SHISA9: variants seen among roughly 807,000 people sequenced by gnomAD.
SHISA9 encodes shisa family member 9.
Under a neutral mutation model 38.0 loss-of-function variants are expected in SHISA9, and 13 were observed. The ratio of observed to expected loss-of-function variants is 0.34; its 90% CI spans 0.22 to 0.54. The LOEUF (loss-of-function observed/expected upper bound fraction) is 0.54, where lower values mean the gene tolerates loss of function less well. SHISA9 is among the 20% of genes least tolerant of loss of function. The pLI, the probability that SHISA9 is intolerant of heterozygous loss-of-function variation, is 0.91. For synonymous variants in SHISA9, 275 were observed against 242.0 expected (o/e 1.14, Z -1.27); for missense variants, 538 against 575.8 (o/e 0.93, Z 0.67).
intron 2 of SHISA9, among the ~76,000 whole-genome samples, chr16:12,996,253 C>T (rs745332195): frequency 3.3e-5 from 5 of 151,882 alleles, no homozygotes; most frequent in Non-Finnish European, 7.4e-5. Flanking sequence ...ATTGAAAAAC[C>T]GAGAGGCTTT....
At chr16:13,053,813 A>G (rs1212367138) in intron 2 of SHISA9, among the ~76,000 whole-genome samples, 11 of 152,202 alleles carry the variant, frequency 7.2e-5, no homozygotes, top group Non-Finnish European at 1.5e-4. Flanking sequence ...CAGTGAAAAT[A>G]AAATAGTTTT....
intron 2 of SHISA9, among the ~76,000 whole-genome samples, chr16:13,147,305 G>C (rs183913333): frequency 2.3e-4 from 35 of 152,028 alleles, no homozygotes; most frequent in Non-Finnish European, 4.7e-4. Context: ...TGACTGGAGC[G>C]GGAAAGAGTT....
At chr16:13,420,011 C>T in the SHISA9 span, among the ~76,000 whole-genome samples, 7 of 152,000 alleles carry the variant, frequency 4.6e-5, no homozygotes, top group Non-Finnish European at 1.5e-5. Flanking sequence ...TTTGGGAGGC[C>T]AAGGCAGGCA....
chr16:12,904,478 C>G (rs1289778031), intron 1 of SHISA9, among the ~76,000 whole-genome samples: 1 of 152,136 alleles, frequency 6.6e-6, no homozygotes. Flanking sequence ...AGCTCTCTAC[C>G]GGTTACCCAA....
the SHISA9 span, among the ~76,000 whole-genome samples, chr16:13,408,126 G>A: frequency 1.1e-4 from 16 of 151,778 alleles, no homozygotes; most frequent in Admixed American, 9.2e-4. Context: ...TTTCTTAGAT[G>A]TCTACCTAAG....
intron 4 of SHISA9, among the ~76,000 whole-genome samples, chr16:13,232,722 G>C (rs1055698175): frequency 2.0e-5 from 3 of 152,174 alleles, no homozygotes; most frequent in African/African-American, 7.2e-5. Context: ...CAAGGCTATA[G>C]GTAAATGTAA....
In SHISA9 at chr16:13,027,939, A is replaced by AC. The variant is rs1235102724; in HGVS notation, c.691+111124_691+111125insC. Among the ~76,000 whole-genome samples the AC allele has an allele frequency of 7.3e-5, 11 of 150,938 alleles. 1 individual carries two copies. The South Asian group carries it at 1.3e-3, about 17-fold the overall frequency. On this transcript the variant is annotated intron_variant, in intron 2 of 4. Coordinates refer to ENST00000558583, the MANE Select transcript of SHISA9 (RefSeq NM_001145204.3). ...TGAAGCTCTGTCTCAAAAACAAAAAAAAAAAAAAAAAAAAAGAATGTATAC... is the reference window on the plus strand; with the variant it reads ...TGAAGCTCTGTCTCAAAAACAAAAAACAAAAAAAAAAAAAAAGAATGTATAC...
chr16:13,186,557 A>G (rs564928328), intron 2 of SHISA9, among the ~76,000 whole-genome samples: 15 of 151,926 alleles, frequency 9.9e-5, no homozygotes, highest in Non-Finnish European at 1.8e-4. Flanking sequence ...CTGCCTCCCA[A>G]AGTGCTGAGA....
chr16:13,452,712 T>C, the SHISA9 span, among the ~76,000 whole-genome samples: 1 of 152,094 alleles, frequency 6.6e-6, no homozygotes, highest in Non-Finnish European at 1.5e-5. Flanking sequence ...CTAAGCTATT[T>C]GGCTCAACCT....
At chr16:13,538,269 T>A in the SHISA9 span, among the ~76,000 whole-genome samples, 1 of 152,190 alleles carries the variant, frequency 6.6e-6, no homozygotes, top group Non-Finnish European at 1.5e-5. Context: ...TTCTCTCAAA[T>A]TGCTCTGTAA....
the SHISA9 span, among the ~76,000 whole-genome samples, chr16:13,389,253 C>G: frequency 1.3e-5 from 2 of 152,158 alleles, no homozygotes; most frequent in Non-Finnish European, 1.5e-5. Context: ...CTCTGGCAAC[C>G]CCTGAGCTGT....
At chr16:13,193,854 C>A (rs2050911273) in intron 2 of SHISA9, among the ~76,000 whole-genome samples, 1 of 152,178 alleles carries the variant, frequency 6.6e-6, no homozygotes, top group Non-Finnish European at 1.5e-5. Context: ...GCCAACCAGG[C>A]AACCTTTTGG....
chr16:13,303,004 A>G, the SHISA9 span, among the ~76,000 whole-genome samples: 3 of 152,200 alleles, frequency 2.0e-5, no homozygotes, highest in Non-Finnish European at 2.9e-5. Context: ...TGAGTCAGTT[A>G]AACCTCTTCC....
chr16:13,311,140 T>C, the SHISA9 span, among the ~76,000 whole-genome samples: 1 of 152,128 alleles, frequency 6.6e-6, no homozygotes, highest in African/African-American at 2.4e-5. Context: ...TGCTTCTCTG[T>C]CTGCCTGATT....
intron 2 of SHISA9, among the ~76,000 whole-genome samples, chr16:12,987,646 T>G (rs1402698849): frequency 2.0e-5 from 3 of 152,136 alleles, no homozygotes; most frequent in African/African-American, 7.2e-5. Context: ...CATGTGGGGC[T>G]TAATACCTAG....
chr16:13,252,375 A>G, the SHISA9 span, among the ~76,000 whole-genome samples: 11 of 152,352 alleles, frequency 7.2e-5, no homozygotes, highest in African/African-American at 2.2e-4. Flanking sequence ...TGCTACTGGC[A>G]TGTAGTGCAT....
At chr16:13,063,703 G>A (rs1194434838) in intron 2 of SHISA9, among the ~76,000 whole-genome samples, 3 of 152,128 alleles carry the variant, frequency 2.0e-5, no homozygotes, top group Non-Finnish European at 2.9e-5. Context: ...GGAAGGGTGC[G>A]TATACTGCAA....
At chr16:13,464,498 A>C in the SHISA9 span, among the ~76,000 whole-genome samples, 1 of 152,062 alleles carries the variant, frequency 6.6e-6, no homozygotes, top group Non-Finnish European at 1.5e-5. Context: ...GTGTATTTTG[A>C]TTTTGCAACT....
rs140053758 is a variant in SHISA9, at chr16:13,101,667, A to C, written c.692-101727A>C. ...CAGAAGTGGGATTGCTGTATCATAT[A>C]GTAGTTTTATTTCTAATTTTTTGAG... On this transcript the variant is annotated intron_variant, in intron 2 of 4. Transcript: ENST00000558583. 8.8e-3 allele frequency among the ~76,000 whole-genome samples: 1,347 copies of C among 152,298 alleles called. 21 individuals carry two copies. Among genetic ancestry groups the C allele is most frequent in the African/African-American group, 0.031 (1,282 of 41,548 alleles).
Sources: allele counts gnomAD v4.1 joint callset (sites outside exome capture counted in the v4.1 genomes callset), GRCh38; gene constraint gnomAD v4.1.1; transcripts MANE v1.5; gene names NCBI Gene and HGNC (gene_info 2026-07-23, HGNC 2026-07-21).